The following TBC1D32 variants were observed in gnomAD, a reference collection of about 807,000 sequenced individuals.
TBC1D32 encodes protein broad-minded.
In TBC1D32, 151 loss-of-function variants were observed where a neutral mutation model predicts 170.3. The ratio of observed to expected loss-of-function variants is 0.89; its 90% CI spans 0.78 to 1.01. The LOEUF (loss-of-function observed/expected upper bound fraction) is 1.01. TBC1D32 is among the 50% of genes least tolerant of loss of function. The probability of loss-of-function intolerance (pLI) is 0.00; values close to 1 mark genes in which losing one functional copy is unlikely to be tolerated. For synonymous variants in TBC1D32, 498 were observed against 488.0 expected, an observed-to-expected ratio of 1.02 and a Z score of -0.27; for missense variants, 1,464 against 1,457.1, an observed-to-expected ratio of 1.00 and a Z score of -0.08.
intron 20 of TBC1D32, among the ~76,000 whole-genome samples, chr6:121,233,413 A>G (rs1331110996): frequency 1.3e-5 from 2 of 152,138 alleles, no homozygotes; most frequent in Non-Finnish European, 1.5e-5. Flanking sequence ...TTATATATTT[A>G]GGATTTTGAT....
At chr6:121,251,859 GA>G (rs1423482860) in intron 17 of TBC1D32, among the ~76,000 whole-genome samples, 1 of 151,972 alleles carries the variant, frequency 6.6e-6, no homozygotes, top group African/African-American at 2.4e-5. Flanking sequence ...AAATTTACAA[GA>G]AAAAACAACC....
chr6:121,297,752 T>C (rs1247443529), intron 10 of TBC1D32, among the ~76,000 whole-genome samples: 2 of 152,046 alleles, frequency 1.3e-5, no homozygotes, highest in Admixed American at 1.3e-4. Context: ...CTATTTAAAT[T>C]TAAATTAATA....
intron 19 of TBC1D32, among the ~76,000 whole-genome samples, chr6:121,240,444 T>C (rs935700528): frequency 7.8e-6 from 1 of 128,706 alleles, no homozygotes; most frequent in Non-Finnish European, 1.6e-5. Context: ...AAAAAATAAA[T>C]GTAAAATATA....
At chr6:121,301,932 G>T (rs1265021098) in intron 9 of TBC1D32, among the ~76,000 whole-genome samples, 1 of 151,864 alleles carries the variant, frequency 6.6e-6, no homozygotes, top group Non-Finnish European at 1.5e-5. Context: ...ACCTGGCCGG[G>T]AATACAATTT....
intron 30 of TBC1D32, among the ~76,000 whole-genome samples, chr6:121,099,733 A>C (rs977391019): frequency 1.1e-4 from 17 of 151,972 alleles, no homozygotes; most frequent in Non-Finnish European, 2.2e-4. Flanking sequence ...ACGATTTCTT[A>C]AGACAGATTA....
chr6:121,108,380 C>T (rs1778897392), intron 29 of TBC1D32, among the ~76,000 whole-genome samples: 1 of 151,958 alleles, frequency 6.6e-6, no homozygotes, highest in African/African-American at 2.4e-5. Flanking sequence ...CTGTTTACCA[C>T]TCTCTGAAAA....
At chr6:121,256,014 A>G in intron 16 of TBC1D32, 70 bp downstream of exon 16, 1 of 1,333,954 alleles carries the variant, frequency 7.5e-7, no homozygotes, top group South Asian at 1.4e-5. Flanking sequence ...CCAAAGTACA[A>G]CACTATAATG....
intron 21 of TBC1D32, among the ~76,000 whole-genome samples, chr6:121,208,819 A>C (rs113515273): frequency 1.3e-5 from 2 of 151,528 alleles, no homozygotes; most frequent in Non-Finnish European, 2.9e-5. Flanking sequence ...CCTTGTTTTC[A>C]AACTTCTGGC....
At position 121,169,541 on chromosome 6, in the gene TBC1D32, G is replaced by T. The variant is rs1319664682; in HGVS notation, c.2571-8485C>A. 8.5e-5 allele frequency among the ~76,000 whole-genome samples: 13 copies of T among 152,132 alleles called. No homozygotes were observed. The East Asian group carries it at 2.5e-3, about 29-fold the overall frequency. ...AATACTTTCCTTGATAAATTTTACTGCATTTAAAGAAATGGAATTAGGACA... is the reference window on the plus strand; with the variant it reads ...AATACTTTCCTTGATAAATTTTACTTCATTTAAAGAAATGGAATTAGGACA... On this transcript the variant is annotated intron_variant, in intron 22 of 31. Coordinates refer to ENST00000398212, the MANE Select transcript of TBC1D32 (RefSeq NM_152730.6).
intron 21 of TBC1D32, among the ~76,000 whole-genome samples, chr6:121,210,183 CT>C (rs1005276659): frequency 6.6e-6 from 1 of 151,982 alleles, no homozygotes; most frequent in African/African-American, 2.4e-5. Context: ...TAAAGAATCT[CT>C]TAAAATTTAG....
chr6:121,279,340 A>T, intron 14 of TBC1D32, 95 bp from the exon 15 acceptor site: 4 of 1,367,902 alleles, frequency 2.9e-6, no homozygotes, highest in Non-Finnish European at 4.0e-6. Flanking sequence ...TAGTCTTATA[A>T]AGTTATATTA....
intron 1 of TBC1D32, among the ~76,000 whole-genome samples, chr6:121,324,461 G>A (rs1173327813): frequency 1.3e-5 from 2 of 152,072 alleles, no homozygotes; most frequent in Non-Finnish European, 1.5e-5. Context: ...AGAAGAGGAA[G>A]CCTAAGCTAT....
chr6:121,090,437 T>C (rs1470481657), intron 31 of TBC1D32, among the ~76,000 whole-genome samples: 1 of 152,178 alleles, frequency 6.6e-6, no homozygotes, highest in African/African-American at 2.4e-5. Context: ...TAAAATAATC[T>C]TTCATGAAAA....
chr6:121,195,830 G>A (rs1470971871), intron 22 of TBC1D32, among the ~76,000 whole-genome samples: 1 of 152,180 alleles, frequency 6.6e-6, no homozygotes, highest in Admixed American at 6.5e-5. Flanking sequence ...ATCCCTGAAG[G>A]ACAGTGTTGA....
chr6:121,130,680 T>C (rs757333291), intron 25 of TBC1D32, among the ~76,000 whole-genome samples: 2 of 152,160 alleles, frequency 1.3e-5, no homozygotes, highest in Non-Finnish European at 2.9e-5. Flanking sequence ...CAGAACGACA[T>C]ACGAATTTAG....
Position 121,265,529 on chromosome 6 carries a change from T to C in TBC1D32, c.1734-9244A>G, listed in dbSNP as rs1208151466. On this transcript the variant is annotated intron_variant, in intron 15 of 31. Coordinates refer to ENST00000398212, the MANE Select transcript of TBC1D32 (RefSeq NM_152730.6). ...CAATGCTATTCCCATCAAACTACCA[T>C]TGACATTCTTCACAGAATTAGAAAA... 3.3e-5 allele frequency among the ~76,000 whole-genome samples: 5 copies of C among 151,514 alleles called. No individual in the cohort carries two copies. The South Asian group carries it at 6.2e-4, about 19-fold the overall frequency.
intron 29 of TBC1D32, 33 bp from the exon 30 acceptor site, chr6:121,106,196 A>T: frequency 7.9e-7 from 1 of 1,265,490 alleles, no homozygotes; most frequent in African/African-American, 1.6e-5. Flanking sequence ...AAATTTTATT[A>T]ATTTTATTAT....
At chr6:121,202,967 G>A (rs1791786443) in intron 22 of TBC1D32, among the ~76,000 whole-genome samples, 1 of 151,326 alleles carries the variant, frequency 6.6e-6, no homozygotes, top group African/African-American at 2.5e-5. Flanking sequence ...CAGTTTTGAG[G>A]CAGAAGAAAA....
At chr6:121,113,423 T>C (rs1779391669) in intron 27 of TBC1D32, among the ~76,000 whole-genome samples, 1 of 152,204 alleles carries the variant, frequency 6.6e-6, no homozygotes, top group East Asian at 1.9e-4. Flanking sequence ...AAACGTATAA[T>C]ATAAGCATTT....
Sources: gnomAD v4.1 joint callset for allele counts (sites outside exome capture counted in the v4.1 genomes callset) on GRCh38, gnomAD v4.1.1 for gene constraint, MANE v1.5 for transcripts, NCBI Gene and HGNC (gene_info 2026-07-23, HGNC 2026-07-21) for gene names.